Variants in PARD3B observed in about 807,000 individuals in gnomAD.
The protein encoded by PARD3B is partitioning defective 3 homolog B.
A neutral mutation model predicts 130.2 loss-of-function variants in PARD3B; 103 were observed. The ratio of observed to expected loss-of-function variants is 0.79; its 90% confidence interval spans 0.67 to 0.93. The LOEUF is 0.93. Ranked by LOEUF, PARD3B falls within the 40% of genes least tolerant of loss-of-function variation. The pLI, the probability that PARD3B is intolerant of heterozygous loss-of-function variation, is 0.00. For missense variants in PARD3B, 1,609 were observed against 1,499.2 expected, an observed-to-expected ratio of 1.07 and a Z score of -1.21; for synonymous variants, 583 against 553.2, an observed-to-expected ratio of 1.05 and a Z score of -0.76.
At chr2:205,039,728 C>T (rs1006450285) in intron 3 of PARD3B, among the ~76,000 whole-genome samples, 2 of 151,868 alleles carry the variant, frequency 1.3e-5, no homozygotes, top group Middle Eastern at 3.2e-3. Flanking sequence ...CCTTGGTTTC[C>T]CAAAGTGTTG....
intron 1 of PARD3B, among the ~76,000 whole-genome samples, chr2:204,657,775 A>G (rs1231890682): frequency 3.3e-5 from 5 of 152,234 alleles, no homozygotes; most frequent in African/African-American, 1.2e-4. Flanking sequence ...TTTAAATAGT[A>G]TGTATGATCA....
At chr2:204,793,534 G>T (rs911629285) in intron 2 of PARD3B, among the ~76,000 whole-genome samples, 1 of 151,756 alleles carries the variant, frequency 6.6e-6, no homozygotes, top group Non-Finnish European at 1.5e-5. Flanking sequence ...GTGAGAAAGC[G>T]TCTCACACTG....
At chr2:204,969,275 CT>C (rs1416119502) in intron 3 of PARD3B, among the ~76,000 whole-genome samples, 4 of 152,174 alleles carry the variant, frequency 2.6e-5, no homozygotes, top group Non-Finnish European at 5.9e-5. Context: ...ATGCTTGATT[CT>C]AGTTAATAAA....
chr2:205,237,732 G>C (rs1355019568), intron 15 of PARD3B, among the ~76,000 whole-genome samples: 1 of 152,156 alleles, frequency 6.6e-6, no homozygotes, highest in Non-Finnish European at 1.5e-5. Context: ...CTAGTGGTCA[G>C]TTATATATAA....
At chr2:205,495,112 G>A (rs1671384683) in intron 20 of PARD3B, among the ~76,000 whole-genome samples, 1 of 152,130 alleles carries the variant, frequency 6.6e-6, no homozygotes, top group Admixed American at 6.5e-5. Flanking sequence ...TTTATGACAT[G>A]TGGGAATTTG....
chr2:205,174,907 G>C (rs918377503), intron 12 of PARD3B, among the ~76,000 whole-genome samples: 1 of 152,162 alleles, frequency 6.6e-6, no homozygotes, highest in African/African-American at 2.4e-5. Flanking sequence ...TTTTTCAAAG[G>C]ATGAGCTTGA....
chr2:205,487,580 G>GT (rs1343307604), intron 20 of PARD3B, among the ~76,000 whole-genome samples: 2 of 152,160 alleles, frequency 1.3e-5, no homozygotes, highest in Admixed American at 1.3e-4. Flanking sequence ...GAAAGGTTAG[G>GT]TACCCAGCTG....
chr2:204,602,088 A>G (rs2033536291), intron 1 of PARD3B, among the ~76,000 whole-genome samples: 1 of 152,036 alleles, frequency 6.6e-6, no homozygotes, highest in African/African-American at 2.4e-5. Context: ...GAAGAATGAG[A>G]CAAAATACAA....
chr2:205,217,643 A>G (rs1444027985), intron 15 of PARD3B, among the ~76,000 whole-genome samples: 1 of 151,140 alleles, frequency 6.6e-6, no homozygotes, highest in Non-Finnish European at 1.5e-5. Flanking sequence ...TATAACAACA[A>G]ATTACTATTT....
intron 2 of PARD3B, among the ~76,000 whole-genome samples, chr2:204,788,316 A>G (rs771649890): frequency 1.3e-5 from 2 of 152,208 alleles, no homozygotes; most frequent in Non-Finnish European, 2.9e-5. Flanking sequence ...CTTCCTCAAC[A>G]GCCCTACACT....
At chr2:204,588,324 C>T (rs1289605987) in intron 1 of PARD3B, among the ~76,000 whole-genome samples, 2 of 152,138 alleles carry the variant, frequency 1.3e-5, no homozygotes, top group African/African-American at 4.8e-5. Context: ...TGTAATAAAA[C>T]AGTGCTTTTT....
At chr2:205,580,325 G>A (rs1412161894) in intron 22 of PARD3B, among the ~76,000 whole-genome samples, 1 of 152,100 alleles carries the variant, frequency 6.6e-6, no homozygotes, top group Non-Finnish European at 1.5e-5. Context: ...ACCCATTTCA[G>A]CAGAGGGCCC....
intron 18 of PARD3B, among the ~76,000 whole-genome samples, chr2:205,342,990 C>G (rs2043599181): frequency 6.6e-6 from 1 of 152,178 alleles, no homozygotes; most frequent in African/African-American, 2.4e-5. Context: ...CACAGAATGA[C>G]TAAATCTCTT....
chr2:205,101,304 A>G (rs1432261106), intron 4 of PARD3B, among the ~76,000 whole-genome samples: 2 of 152,208 alleles, frequency 1.3e-5, no homozygotes, highest in African/African-American at 4.8e-5. Context: ...AAAATTAAAA[A>G]TGAAAATAAG....
chr2:204,971,834 A>ATTTTTTTTTT (rs3038727), intron 3 of PARD3B, among the ~76,000 whole-genome samples: 1 of 131,220 alleles, frequency 7.6e-6, no homozygotes. Context: ...TTTTGTTTTA[A>ATTTTTTTTTT]TTTTTTTTTT....
intron 5 of PARD3B, among the ~76,000 whole-genome samples, chr2:205,111,273 A>G (rs562232155): frequency 6.6e-6 from 1 of 152,136 alleles, no homozygotes; most frequent in Non-Finnish European, 1.5e-5. Context: ...TAATAATTTA[A>G]AAGTTATCAA....
At chr2:204,783,793 CTTACCTA>C (rs2041920217) in intron 2 of PARD3B, among the ~76,000 whole-genome samples, 1 of 152,072 alleles carries the variant, frequency 6.6e-6, no homozygotes, top group South Asian at 2.1e-4. Flanking sequence ...GGTCCATATC[CTTACCTA>C]TTAGCTATTC....
chr2:204,695,394 G>A (rs2037563503), intron 2 of PARD3B, among the ~76,000 whole-genome samples: 1 of 151,984 alleles, frequency 6.6e-6, no homozygotes, highest in Non-Finnish European at 1.5e-5. Flanking sequence ...ATGCCTGTGA[G>A]TACTAGTGTC....
rs2034431861 is a variant in PARD3B at position 205,160,268 on chromosome 2, T to A, written c.1620+1361T>A. 6.6e-6 allele frequency among the ~76,000 whole-genome samples: 1 copy of A among 152,188 alleles called. No homozygotes were observed. Among genetic ancestry groups the A allele is most frequent in the African/African-American group, 2.4e-5 (1 of 41,446 alleles). ...TTCTCATAGCTCTGTGTGGGGGAGC[T>A]GGGGTTTGGGTAGGATTCTGATTCA... On this transcript the variant is annotated intron_variant, in intron 11 of 22. Transcript: ENST00000406610. This position sits in a 1 kb window ranked among gnomAD's most constrained non-coding sequence, Gnocchi z 4.0.
Sources: gnomAD v4.1 joint callset for allele counts (sites outside exome capture counted in the v4.1 genomes callset) on GRCh38, gnomAD v4.1.1 for gene constraint, Gnocchi (gnomAD v3.1) non-coding constraint, MANE v1.5 for transcripts, NCBI Gene and HGNC (gene_info 2026-07-23, HGNC 2026-07-21) for gene names.